Variants in ABHD2 observed in about 807,000 individuals in gnomAD.
The protein encoded by ABHD2 is monoacylglycerol lipase ABHD2.
In ABHD2, 20 loss-of-function variants were observed where a neutral mutation model predicts 48.1. That is an observed-to-expected ratio of 0.42 (90% CI 0.29 to 0.60). The LOEUF (loss-of-function observed/expected upper bound fraction) is 0.60. Among genes scored for constraint, ABHD2 ranks in the 20% least tolerant of loss-of-function variants. The pLI is 0.24. For missense variants in ABHD2, 405 were observed against 550.9 expected, an observed-to-expected ratio of 0.74 and a Z score of 2.65; for synonymous variants, 209 against 214.2, an observed-to-expected ratio of 0.98 and a Z score of 0.21.
intron 5 of ABHD2, among the ~76,000 whole-genome samples, chr15:89,165,093 G>A (rs1008119324): frequency 7.2e-5 from 11 of 152,186 alleles, no homozygotes; most frequent in African/African-American, 2.7e-4. Flanking sequence ...AGGGATGTCG[G>A]CTGTGGTGAT....
intron 1 of ABHD2, among the ~76,000 whole-genome samples, chr15:89,101,583 T>G (rs2049701645): frequency 2.6e-5 from 4 of 152,098 alleles, no homozygotes; most frequent in African/African-American, 7.3e-5. Flanking sequence ...AAATTTAAAT[T>G]TGTGTAGAAT....
intron 1 of ABHD2, among the ~76,000 whole-genome samples, chr15:89,103,746 G>C (rs994279401): frequency 2.0e-5 from 3 of 152,128 alleles, no homozygotes; most frequent in African/African-American, 7.2e-5. Context: ...TTTCCACTTG[G>C]GTTGTGACCT....
the ABHD2 span, among the ~76,000 whole-genome samples, chr15:89,066,372 C>T: frequency 6.6e-6 from 1 of 152,252 alleles, no homozygotes; most frequent in African/African-American, 2.4e-5. Flanking sequence ...TGGCCCTCTT[C>T]CCTGTGTATC....
the ABHD2 span, among the ~76,000 whole-genome samples, chr15:89,048,431 C>A: frequency 2.0e-5 from 3 of 150,446 alleles, no homozygotes; most frequent in Non-Finnish European, 4.5e-5. Flanking sequence ...TTTCCTGAAT[C>A]TGAACGTTGG....
At position 89,092,188 on chromosome 15, in the gene ABHD2, T is replaced by C. The variant is rs1901622970; in HGVS notation, c.-107+3625T>C. Among the ~76,000 whole-genome samples the C allele has an allele frequency of 6.6e-6, 1 of 152,222 alleles. No homozygotes were observed. The highest frequency in any genetic ancestry group is 1.5e-5 in the Non-Finnish European group (1 of 68,020). ...GCTCCACCATTACCCCTGAAGCTTGTGGACTGGGGCCATTTGGGTGAGGGG... is the reference window on the plus strand; with the variant it reads ...GCTCCACCATTACCCCTGAAGCTTGCGGACTGGGGCCATTTGGGTGAGGGG... On this transcript the variant is annotated intron_variant, in intron 1 of 10. Coordinates refer to ENST00000352732, the MANE Select transcript of ABHD2 (RefSeq NM_152924.5). This position sits in a 1 kb window ranked among gnomAD's most constrained non-coding sequence, Gnocchi z 4.4.
intron 3 of ABHD2, among the ~76,000 whole-genome samples, chr15:89,126,851 G>GCC (rs1267598186): frequency 2.0e-5 from 3 of 152,188 alleles, no homozygotes; most frequent in Non-Finnish European, 2.9e-5. Context: ...CCTGCAAATG[G>GCC]AGTCTGTTTG....
rs2050807980 is a variant in ABHD2, at chr15:89,164,480, AG to A, written c.538+8947del. 6.6e-6 allele frequency among the ~76,000 whole-genome samples: 1 copy of A among 150,634 alleles called. No individual in the cohort carries two copies. The highest frequency in any genetic ancestry group is 1.5e-5 in the Non-Finnish European group (1 of 67,646). ...ACTGCCTGGTCGAGAAAGCTGAGAA[AG>A]ACTGTTAAGAAATTTGGCAATAAGT... On this transcript the variant is annotated intron_variant, in intron 5 of 10. Coordinates refer to ENST00000352732, the MANE Select transcript of ABHD2 (RefSeq NM_152924.5). The surrounding 1 kb of genome is among the most constrained non-coding windows in gnomAD (Gnocchi z 5.0).
upstream of ABHD2, among the ~76,000 whole-genome samples, chr15:89,083,044 G>A (rs993208524): frequency 7.2e-5 from 11 of 152,094 alleles, no homozygotes; most frequent in East Asian, 3.9e-4. This position sits in a 1 kb window ranked among gnomAD's most constrained non-coding sequence, Gnocchi z 5.1. Flanking sequence ...AAGTAGAGAC[G>A]GAGTTTCACC....
chr15:89,134,988 A>G (rs1437668459), intron 3 of ABHD2, among the ~76,000 whole-genome samples: 1 of 152,162 alleles, frequency 6.6e-6, no homozygotes, highest in African/African-American at 2.4e-5. Context: ...CATCAAAGAA[A>G]GGCAAGATGT....
Position 89,193,221 on chromosome 15 carries a change from T to C in ABHD2, c.997-14T>C, listed in dbSNP as rs1470718968. The C allele has an allele frequency of 6.8e-6, 11 of 1,613,102 alleles. No homozygotes were observed. The South Asian group carries it at 1.1e-4, about 16-fold the overall frequency. On this transcript the variant is annotated splice_polypyrimidine_tract_variant and intron_variant, in intron 9 of 10. Coordinates refer to ENST00000352732, the MANE Select transcript of ABHD2 (RefSeq NM_152924.5). ...GAATCAGTAGTTTAATTCTGCTTTA[T>C]GTTCTTGTTGCAGATTTATGTTCCT...
intron 1 of ABHD2, among the ~76,000 whole-genome samples, chr15:89,111,705 C>T (rs2049877752): frequency 6.6e-6 from 1 of 152,218 alleles, no homozygotes; most frequent in Non-Finnish European, 1.5e-5. Context: ...TACATGGACT[C>T]ACCTAGCTAA....
At chr15:89,157,632 A>G (rs1471431230) in intron 5 of ABHD2, among the ~76,000 whole-genome samples, 2 of 152,180 alleles carry the variant, frequency 1.3e-5, no homozygotes, top group African/African-American at 2.4e-5. Flanking sequence ...TCACGAGGTC[A>G]GGAGATGGAG....
chr15:89,157,712 G>A (rs568873074), intron 5 of ABHD2, among the ~76,000 whole-genome samples: 5 of 152,014 alleles, frequency 3.3e-5, no homozygotes, highest in South Asian at 2.1e-4. Context: ...GCGTGGTGGC[G>A]GGCACCTGTA....
chr15:89,043,463 GAGA>G, the ABHD2 span, among the ~76,000 whole-genome samples: 1 of 146,868 alleles, frequency 6.8e-6, no homozygotes, highest in Non-Finnish European at 1.5e-5. Context: ...GGAGGAGAAG[GAGA>G]AGGAGAAGGA....
the ABHD2 span, among the ~76,000 whole-genome samples, chr15:89,042,497 C>G: frequency 6.6e-6 from 1 of 152,102 alleles, no homozygotes; most frequent in African/African-American, 2.4e-5. Flanking sequence ...AGTGCCACCT[C>G]CTCCATGAAG....
At position 89,104,714 on chromosome 15, in the gene ABHD2, C is replaced by T. The variant is rs1321201936; in HGVS notation, c.-106-9011C>T. On this transcript the variant is annotated intron_variant, in intron 1 of 10. Transcript: ENST00000352732. This position sits in a 1 kb window ranked among gnomAD's most constrained non-coding sequence, Gnocchi z 4.4. The stretch of plus-strand genomic sequence containing the variant: ...ATGGGTTGAGTGGTTCTTCAGGCAA[C>T]GGTTGTGCCAGGCACTGGGTCTTGC... Among the ~76,000 whole-genome samples, 1 of 152,224 alleles carries T rather than the reference C, an allele frequency of 6.6e-6. No homozygotes were observed. The highest frequency in any genetic ancestry group is 1.5e-5 in the Non-Finnish European group (1 of 68,044).
At chr15:89,074,851 A>C in the ABHD2 span, among the ~76,000 whole-genome samples, 4 of 152,194 alleles carry the variant, frequency 2.6e-5, no homozygotes, top group Non-Finnish European at 4.4e-5. Flanking sequence ...GAACTCCGCC[A>C]TCACTCAATC....
the ABHD2 span, among the ~76,000 whole-genome samples, chr15:89,057,936 CA>C: frequency 6.6e-4 from 101 of 152,294 alleles, no homozygotes; most frequent in African/African-American, 2.3e-3. Context: ...CTACCCAGTC[CA>C]TCAGGGACCC....
chr15:89,151,823 T>C lies in ABHD2; in HGVS notation c.341T>C (p.Phe114Ser). The C allele has an allele frequency of 1.2e-6, 2 of 1,614,186 alleles. No homozygotes were observed. The highest frequency in any genetic ancestry group is 1.7e-6 in the Non-Finnish European group (2 of 1,180,012). ...GGAGCCACTTCTACATTCGACCTCT[T>C]CGAGCCCTTGGCTGAGCACTGTGTT... is the stretch of plus-strand genomic sequence containing the variant. The part of the protein sequence containing the change: ...SDGATSTFDL[F>S]EPLAEHCVGD... The change falls in exon 4 of 11, where the codon TTC becomes TCC. Residue 114 changes from phenylalanine (F) to serine (S), a missense_variant. By Grantham distance (155) the Phe-to-Ser change is radical. Coordinates refer to ENST00000352732, the MANE Select transcript of ABHD2 (RefSeq NM_152924.5). This position sits in a 1 kb window ranked among gnomAD's most constrained non-coding sequence, Gnocchi z 4.7.
Sources: gnomAD v4.1 joint callset for allele counts (sites outside exome capture counted in the v4.1 genomes callset) on GRCh38, gnomAD v4.1.1 for gene constraint, Gnocchi (gnomAD v3.1) non-coding constraint, MANE v1.5 for transcripts, NCBI Gene and HGNC (gene_info 2026-07-23, HGNC 2026-07-21) for gene names.